The following NGDN variants were observed in gnomAD, a reference collection of about 807,000 sequenced individuals.
NGDN encodes EIF4E-binding protein.
A neutral mutation model predicts 45.2 loss-of-function variants in NGDN; 41 were observed. The observed-to-expected ratio is 0.91, with a 90% CI of 0.71 to 1.18. The LOEUF (loss-of-function observed/expected upper bound fraction) is 1.18. Among genes scored for constraint, NGDN ranks in the 50% most tolerant of loss-of-function variants. The probability of loss-of-function intolerance (pLI) is 0.00; values close to 1 mark genes in which losing one functional copy is unlikely to be tolerated. For missense variants in NGDN, 402 were observed against 399.9 expected (o/e 1.01, Z -0.05); for synonymous variants, 137 against 130.9 (o/e 1.05, Z -0.32).
intron 3 of NGDN, among the ~76,000 whole-genome samples, chr14:23,472,413 T>C (rs577759938): frequency 1.3e-5 from 2 of 152,136 alleles, no homozygotes; most frequent in Non-Finnish European, 2.9e-5. Context: ...GGCAGGAGAA[T>C]TGTTTGAACT....
intron 2 of NGDN, chr14:23,470,335 A>G (rs1198829897): frequency 4.0e-6 from 2 of 505,038 alleles, no homozygotes; most frequent in Non-Finnish European, 7.1e-6. Flanking sequence ...TCATATAGCT[A>G]AGGAAACCAG....
At chr14:23,472,073 T>C (rs556241040) in intron 3 of NGDN, among the ~76,000 whole-genome samples, 1 of 147,576 alleles carries the variant, frequency 6.8e-6, no homozygotes, top group African/African-American at 2.5e-5. Flanking sequence ...TAGTCCCAGC[T>C]ACTCAGGAGG....
chr14:23,471,069 G>T, intron 3 of NGDN, 92 bp downstream of exon 3: 1 of 833,758 alleles, frequency 1.2e-6, no homozygotes, highest in Non-Finnish European at 1.8e-6. Context: ...TATCCTAAGT[G>T]CTCGAGCTTC....
chr14:23,475,039 C>T, intron 3 of NGDN, 132 bp from the exon 4 acceptor site: 1 of 781,344 alleles, frequency 1.3e-6, no homozygotes, highest in Non-Finnish European at 1.9e-6. Flanking sequence ...CTTCTTGAGA[C>T]TATTCCAGAT....
At chr14:23,477,136 G>A in intron 8 of NGDN, 64 bp from the exon 9 acceptor site, 1 of 1,544,094 alleles carries the variant, frequency 6.5e-7, no homozygotes, top group Non-Finnish European at 8.9e-7. Context: ...TTGGGCCCAG[G>A]TTGTGGGCTG....
intron 2 of NGDN, 65 bp from the exon 3 acceptor site, chr14:23,470,841 T>C: frequency 7.8e-7 from 1 of 1,289,200 alleles, no homozygotes; most frequent in Non-Finnish European, 1.1e-6. Flanking sequence ...TAGCTTTTGC[T>C]CTTCACAGTT....
Position 23,475,172 on chromosome 14 carries a change from G to A in NGDN, c.146G>A (p.Gly49Asp). The A allele has an allele frequency of 6.2e-7, 1 of 1,611,770 alleles. No homozygotes were observed. The highest frequency in any genetic ancestry group is 8.5e-7 in the Non-Finnish European group (1 of 1,179,300). The change falls in exon 4 of 11, where the codon GGT becomes GAT. Residue 49 changes from glycine (G) to aspartate (D), a missense_variant and splice_region_variant. Physicochemically the swap from Gly to Asp is moderately conservative, Grantham distance 94. Coordinates refer to ENST00000408901, the MANE Select transcript of NGDN (RefSeq NM_001042635.2). ...TTCTTTCTGTTTTGTTCAACTCAGG[G>A]TCTCAGCTTCTTGGAAGTGAAAGAC... is the stretch of plus-strand genomic sequence containing the variant. Reference protein sequence around the residue: ...VQAGAYPTEKGLSFLEVKDQL... With the variant: ...VQAGAYPTEKDLSFLEVKDQL...
Position 23,475,712 on chromosome 14 carries a change from GTTAT to G in NGDN, c.368-7_368-4del. 1 of 1,614,026 alleles carries G rather than the reference GTTAT, an allele frequency of 6.2e-7. No individual in the cohort carries two copies. Among genetic ancestry groups the G allele is most frequent in the Non-Finnish European group, 8.5e-7 (1 of 1,179,968 alleles). On this transcript the variant is annotated splice_polypyrimidine_tract_variant and intron_variant, in intron 5 of 10. Coordinates refer to ENST00000408901, the MANE Select transcript of NGDN (RefSeq NM_001042635.2). ...TTCCAAATTTTGTAAAATTCATTGG[GTTAT>G]TTATTTCAGGTGAGAATGACCCACT...
In NGDN at chr14:23,470,063, C is replaced by G; in HGVS notation, c.34C>G (p.Pro12Ala). The G allele has an allele frequency of 1.2e-6, 2 of 1,613,998 alleles. No individual in the cohort carries two copies. Among genetic ancestry groups the G allele is most frequent in the Admixed American group, 3.3e-5 (2 of 59,988 alleles). Residue 12 changes from proline (P) to alanine (A), a missense_variant, in exon 2 of 11, where the codon CCA becomes GCA. Pro to Ala is a conservative substitution (Grantham distance 27, BLOSUM62 -1). Coordinates refer to ENST00000408901, the MANE Select transcript of NGDN (RefSeq NM_001042635.2). ...GTAGGGGGTGCTGGAGTCCGACCTGCCAAGTGCCGTGACACTTCTGAAAAA... is the reference window on the plus strand; with the variant it reads ...GTAGGGGGTGCTGGAGTCCGACCTGGCAAGTGCCGTGACACTTCTGAAAAA... ...AALGVLESDL[P>A]SAVTLLKNLQ... is the part of the protein sequence containing the mutation.
At chr14:23,471,126 C>T in intron 3 of NGDN, 149 bp downstream of exon 3, 1 of 477,768 alleles carries the variant, frequency 2.1e-6, no homozygotes, top group Non-Finnish European at 3.6e-6. Context: ...AGAGGGAAGA[C>T]AAAGCAAAGC....
In NGDN at chr14:23,477,353, T is replaced by A. The variant is rs1893927806; in HGVS notation, c.867T>A (p.Asp289Glu). Residue 289 changes from aspartate (D) to glutamate (E), a missense_variant, in exon 9 of 11, where the codon GAT (aspartate) becomes GAA (glutamate). Asp to Glu is a conservative substitution (Grantham distance 45). Transcript: ENST00000408901. ...TGACAGGGGGAACTGTTCATCTTGATGAGGTGAGGTTGAGATATGGTTGTA... is the reference window on the plus strand; with the variant it reads ...TGACAGGGGGAACTGTTCATCTTGAAGAGGTGAGGTTGAGATATGGTTGTA... The part of the protein sequence containing the change: ...SALTGGTVHL[D>E]EDQNPIKKRK... The A allele has an allele frequency of 6.8e-6, 11 of 1,614,180 alleles. No individual in the cohort carries two copies. The highest frequency in any genetic ancestry group is 9.3e-6 in the Non-Finnish European group (11 of 1,180,006).
Position 23,478,004 on chromosome 14 carries a change from C to T in NGDN, c.929-3C>T, listed in dbSNP as rs1453957310. On this transcript the variant is annotated splice_polypyrimidine_tract_variant and splice_region_variant and intron_variant, in intron 10 of 10. Transcript: ENST00000408901. ...CCTCATTCTTGGTTTCCCTTCCTTT[C>T]AGGTTTTCGGAGGCGGCGGTGATTA... 3.7e-6 allele frequency: 6 copies of T among 1,614,092 alleles called. No individual in the cohort carries two copies. In the Admixed American group the frequency reaches 6.7e-5, roughly 18 times the overall value.
At chr14:23,477,620 T>G (rs1326784405) in intron 10 of NGDN, 60 bp downstream of exon 10, 6 of 1,606,906 alleles carry the variant, frequency 3.7e-6, no homozygotes, top group Non-Finnish European at 5.1e-6. Flanking sequence ...AAATTGAGTC[T>G]CTTTGGATTT....
intron 10 of NGDN, 78 bp from the exon 11 acceptor site, chr14:23,477,929 C>T (rs901942179): frequency 6.2e-7 from 1 of 1,613,694 alleles, no homozygotes; most frequent in Admixed American, 1.7e-5. Context: ...GAGCCCTTCC[C>T]TCTAGATGTC....
chr14:23,470,859 A>G, intron 2 of NGDN, 47 bp from the exon 3 acceptor site: 1 of 1,423,656 alleles, frequency 7.0e-7, no homozygotes, highest in Non-Finnish European at 9.5e-7. Flanking sequence ...GTTTGCAGAC[A>G]TAATTTGATA....
chr14:23,477,250 A>G lies in NGDN; in HGVS notation c.764A>G (p.Glu255Gly), dbSNP rs752029557. The stretch of plus-strand genomic sequence containing the variant: ...GTGCGTTTGAGCGTCAGTAAGCGAG[A>G]GAAAGGACGGCGAAAACGAGCAAAT... ...MMVRLSVSKR[E>G]KGRRKRANVM... The change falls in exon 9 of 11, where the codon GAG (glutamate) becomes GGG (glycine). Residue 255 changes from glutamate (E) to glycine (G), a missense_variant. Physicochemically the swap from Glu to Gly is moderately conservative, Grantham distance 98. Transcript: ENST00000408901. 1 of 1,614,206 alleles carries G rather than the reference A, an allele frequency of 6.2e-7. No homozygotes were observed. Among genetic ancestry groups the G allele is most frequent in the Non-Finnish European group, 8.5e-7 (1 of 1,180,026 alleles).
intron 3 of NGDN, among the ~76,000 whole-genome samples, chr14:23,473,014 C>T (rs940782407): frequency 2.6e-5 from 4 of 151,828 alleles, no homozygotes; most frequent in South Asian, 2.1e-4. Context: ...TGTTTTGTTT[C>T]GTTGAGATGG....
chr14:23,474,309 G>C (rs1318168574), intron 3 of NGDN, among the ~76,000 whole-genome samples: 1 of 152,096 alleles, frequency 6.6e-6, no homozygotes, highest in African/African-American at 2.4e-5. Context: ...CTCTGAAATA[G>C]GTTTTCTCAG....
chr14:23,476,094 A>G lies in NGDN; in HGVS notation c.486A>G (p.Lys162=). The G allele has an allele frequency of 2.5e-6, 4 of 1,614,158 alleles. No individual in the cohort carries two copies. Among genetic ancestry groups the G allele is most frequent in the South Asian group, 2.2e-5 (2 of 91,078 alleles). ...ACCAGTCTGAGGCTTCAGGGAAGAA[A>G]TCTGTGAAGGGAGTGTCTAAGAAAT... ...EDDQSEASGK[K]SVKGVSKKYV... is the part of the protein sequence containing the mutation. Residue 162 remains lysine, a synonymous_variant, in exon 7 of 11, where the codon AAA becomes AAG. Coordinates refer to ENST00000408901, the MANE Select transcript of NGDN (RefSeq NM_001042635.2).
Sources: allele counts gnomAD v4.1 joint callset (sites outside exome capture counted in the v4.1 genomes callset), GRCh38; gene constraint gnomAD v4.1.1; transcripts MANE v1.5; gene names NCBI Gene and HGNC (gene_info 2026-07-23, HGNC 2026-07-21).